ZNF827: variants seen among roughly 807,000 people sequenced by gnomAD.
ZNF827 encodes the protein zinc finger protein 827.
Under a neutral mutation model 102.4 loss-of-function variants are expected in ZNF827, and 13 were observed. The observed-to-expected ratio is 0.13, with a 90% CI of 0.08 to 0.20. The LOEUF (loss-of-function observed/expected upper bound fraction) is 0.20, where lower values mean the gene tolerates loss of function less well. Ranked by LOEUF, ZNF827 falls within the 10% of genes least tolerant of loss-of-function variation. The pLI, the probability that ZNF827 is intolerant of heterozygous loss-of-function variation, is 1.00. For synonymous variants in ZNF827, 523 were observed against 536.2 expected (o/e 0.98, Z 0.34); for missense variants, 1,103 against 1,344.4 (o/e 0.82, Z 2.81).
chr4:145,775,118 C>A (rs746740837), intron 10 of ZNF827, among the ~76,000 whole-genome samples: 1 of 152,086 alleles, frequency 6.6e-6, no homozygotes, highest in Non-Finnish European at 1.5e-5. Flanking sequence ...ATGAAAGCAC[C>A]TACAGTTTGT....
intron 8 of ZNF827, among the ~76,000 whole-genome samples, chr4:145,798,598 T>C (rs1452527327): frequency 6.6e-6 from 1 of 152,074 alleles, no homozygotes; most frequent in Non-Finnish European, 1.5e-5. Flanking sequence ...ACCCGGGAGA[T>C]GGAGGTTGCA....
In ZNF827 at chr4:145,910,127, G is replaced by A. The variant is rs116699703; in HGVS notation, c.44-6912C>T. Among the ~76,000 whole-genome samples the A allele has an allele frequency of 4.3e-3, 661 of 152,284 alleles. 3 individuals are homozygous for A. Among genetic ancestry groups the A allele is most frequent in the African/African-American group, 0.014 (566 of 41,558 alleles). ...GAAGTGAGAGGAAGTCTGGAGACGA[G>A]AGTAGTCCACACACGGGGGGAGGGA... On this transcript the variant is annotated intron_variant, in intron 1 of 14. Transcript: ENST00000508784.
rs1350970705 is a variant in ZNF827 at position 145,903,106 on chromosome 4, G to A, written c.153C>T (p.Asn51=). 6.2e-6 allele frequency: 10 copies of A among 1,614,206 alleles called. No homozygotes were observed. The highest frequency in any genetic ancestry group is 1.1e-5 in the South Asian group (1 of 91,080). ...SEASYGEVQE[N]YKLSLEDRIQ... ...TCCGGTCCTCCAGAGACAACTTATA[G>A]TTCTCCTGGACTTCCCCATAGGATG... The change falls in exon 2 of 15, where the codon AAC becomes AAT. Residue 51 remains asparagine, a synonymous_variant. Coordinates refer to ENST00000508784, the MANE Select transcript of ZNF827 (RefSeq NM_001306215.2).
At chr4:145,914,979 A>G (rs1203500967) in intron 1 of ZNF827, among the ~76,000 whole-genome samples, 1 of 152,218 alleles carries the variant, frequency 6.6e-6, no homozygotes, top group Non-Finnish European at 1.5e-5. Flanking sequence ...CGTGTTGCTA[A>G]AACAGAATAC....
At chr4:145,924,089 T>G (rs1318397131) in intron 1 of ZNF827, among the ~76,000 whole-genome samples, 1 of 152,214 alleles carries the variant, frequency 6.6e-6, no homozygotes, top group Non-Finnish European at 1.5e-5. Context: ...CAGAGCTACA[T>G]GCATCAACAT....
chr4:145,913,281 C>T (rs1255055726), intron 1 of ZNF827, among the ~76,000 whole-genome samples: 3 of 151,826 alleles, frequency 2.0e-5, no homozygotes. Flanking sequence ...TAAAAATTAG[C>T]CAAGTGTGGT....
chr4:145,932,254 C>T (rs1269275816), intron 1 of ZNF827, among the ~76,000 whole-genome samples: 3 of 152,188 alleles, frequency 2.0e-5, no homozygotes, highest in Admixed American at 2.0e-4. Flanking sequence ...GACACCTTGT[C>T]ATCTTTAAGT....
chr4:145,765,852 G>T lies in ZNF827; in HGVS notation c.2861-114C>A. On this transcript the variant is annotated intron_variant, in intron 11 of 14. Transcript: ENST00000508784. The surrounding 1 kb of genome is among the most constrained non-coding windows in gnomAD (Gnocchi z 4.7). ...ATGCATCATCATTCTGGGGGCACAG[G>T]CTCATGTCCCCAGCTCCCCCACTGC... is the stretch of plus-strand genomic sequence containing the variant. The T allele has an allele frequency of 1.8e-6, 2 of 1,083,430 alleles. No individual in the cohort carries two copies. Among genetic ancestry groups the T allele is most frequent in the Non-Finnish European group, 2.6e-6 (2 of 770,244 alleles). 67.1% of individuals were successfully genotyped at this position (1,083,430 alleles called of 1,614,324 possible). A position where few individuals can be genotyped will look rare whatever the true frequency, so the allele number is the denominator to read the frequency against.
chr4:145,936,667 G>T (rs1398862094), intron 1 of ZNF827, among the ~76,000 whole-genome samples: 1 of 152,046 alleles, frequency 6.6e-6, no homozygotes. Flanking sequence ...GCACCGCCGC[G>T]GTTATTTCGC....
intron 4 of ZNF827, among the ~76,000 whole-genome samples, chr4:145,875,080 A>G (rs551857283): frequency 1.3e-5 from 2 of 152,224 alleles, no homozygotes; most frequent in South Asian, 4.1e-4. Flanking sequence ...AGAAAATACT[A>G]TATATTTTAC....
chr4:145,903,466 GA>G (rs1751590905), intron 1 of ZNF827, among the ~76,000 whole-genome samples: 1 of 152,180 alleles, frequency 6.6e-6, no homozygotes, highest in Non-Finnish European at 1.5e-5. Flanking sequence ...GAAGGAAAAA[GA>G]AAAATGGATC....
At chr4:145,819,389 C>A (rs1742924102) in intron 8 of ZNF827, among the ~76,000 whole-genome samples, 1 of 152,124 alleles carries the variant, frequency 6.6e-6, no homozygotes, top group South Asian at 2.1e-4. Context: ...AAAAGCAGTA[C>A]TGGGATATAA....
At chr4:145,799,718 A>T (rs961803660) in intron 8 of ZNF827, among the ~76,000 whole-genome samples, 2 of 152,224 alleles carry the variant, frequency 1.3e-5, no homozygotes, top group Admixed American at 6.5e-5. Flanking sequence ...CGGCCACGTG[A>T]TCAAGTTCTA....
At chr4:145,798,574 G>C (rs1039851848) in intron 8 of ZNF827, among the ~76,000 whole-genome samples, 6 of 152,148 alleles carry the variant, frequency 3.9e-5, no homozygotes, top group Non-Finnish European at 8.8e-5. Flanking sequence ...GCTGAGACAG[G>C]AGAATCACTT....
intron 5 of ZNF827, among the ~76,000 whole-genome samples, chr4:145,859,368 G>C (rs1747485268): frequency 6.6e-6 from 1 of 152,168 alleles, no homozygotes; most frequent in African/African-American, 2.4e-5. Flanking sequence ...GGAAAGATAG[G>C]AGGAGTAATA....
intron 9 of ZNF827, among the ~76,000 whole-genome samples, chr4:145,778,573 C>G (rs1024990831): frequency 6.6e-6 from 1 of 152,136 alleles, no homozygotes; most frequent in African/African-American, 2.4e-5. Context: ...GATGCAGCCA[C>G]TGCACTCCAG....
At chr4:145,923,975 C>G (rs199560018) in intron 1 of ZNF827, among the ~76,000 whole-genome samples, 4 of 152,248 alleles carry the variant, frequency 2.6e-5, no homozygotes, top group Admixed American at 2.0e-4. Flanking sequence ...TGCATGTTCA[C>G]GGCAGTGCTG....
intron 5 of ZNF827, among the ~76,000 whole-genome samples, chr4:145,856,107 G>C (rs1747080889): frequency 6.6e-6 from 1 of 151,708 alleles, no homozygotes; most frequent in Admixed American, 6.6e-5. Context: ...CAATTCTCCT[G>C]CCTCAGGCTC....
chr4:145,784,528 C>T (rs1004392771), intron 8 of ZNF827, among the ~76,000 whole-genome samples: 4 of 152,192 alleles, frequency 2.6e-5, no homozygotes, highest in African/African-American at 9.7e-5. Flanking sequence ...GTACACCCAG[C>T]TGAACACATT....
Sources: gnomAD v4.1 joint callset for allele counts (sites outside exome capture counted in the v4.1 genomes callset) on GRCh38, gnomAD v4.1.1 for gene constraint, Gnocchi (gnomAD v3.1) non-coding constraint, MANE v1.5 for transcripts, NCBI Gene and HGNC (gene_info 2026-07-23, HGNC 2026-07-21) for gene names.